Variants in PLXNC1 observed in about 807,000 individuals in gnomAD.
PLXNC1 encodes plexin C1, also known as plexin-C1.
In PLXNC1, 75 loss-of-function variants were observed where a neutral mutation model predicts 178.2. The ratio of observed to expected loss-of-function variants is 0.42; its 90% CI spans 0.35 to 0.51. PLXNC1 has a LOEUF of 0.51. Ranked by LOEUF, PLXNC1 falls within the 20% of genes least tolerant of loss-of-function variation. The pLI is 0.02. For synonymous variants in PLXNC1, 790 were observed against 779.9 expected (o/e 1.01, Z -0.22); for missense variants, 1,503 against 1,984.4 (o/e 0.76, Z 4.61).
At chr12:94,188,307 A>G (rs969280292) in intron 4 of PLXNC1, among the ~76,000 whole-genome samples, 1 of 144,122 alleles carries the variant, frequency 6.9e-6, no homozygotes. Flanking sequence ...AGTCCAAAGA[A>G]TTTTGTCTTT....
At chr12:94,255,372 G>A (rs1387417426) in intron 17 of PLXNC1, 76 bp downstream of exon 17, 7 of 1,016,404 alleles carry the variant, frequency 6.9e-6, no homozygotes, top group Admixed American at 5.2e-5. Context: ...TTGTCAAAAC[G>A]AGTGTTTGCT....
intron 5 of PLXNC1, among the ~76,000 whole-genome samples, chr12:94,219,115 C>T (rs1963721771): frequency 6.6e-6 from 1 of 152,038 alleles, no homozygotes; most frequent in Non-Finnish European, 1.5e-5. Flanking sequence ...GAATAATGCT[C>T]AGGAAATGGT....
chr12:94,175,348 T>G (rs1962012048), intron 2 of PLXNC1, among the ~76,000 whole-genome samples: 1 of 152,244 alleles, frequency 6.6e-6, no homozygotes, highest in African/African-American at 2.4e-5. Flanking sequence ...TTATAGCTTT[T>G]TGAACACCCG....
chr12:94,167,655 T>C lies in PLXNC1; in HGVS notation c.1063-1498T>C, dbSNP rs573496113. Among the ~76,000 whole-genome samples the C allele has an allele frequency of 2.6e-5, 4 of 152,326 alleles. No homozygotes were observed. In the East Asian group the frequency reaches 7.7e-4, roughly 29 times the overall value. On this transcript the variant is annotated intron_variant, in intron 1 of 30. Transcript: ENST00000258526. The stretch of plus-strand genomic sequence containing the variant: ...AAACAGTGATCTATTGTTCCAACCT[T>C]AGACCCACAGAGAATTTTTTTCCTT...
intron 1 of PLXNC1, 81 bp from the exon 2 acceptor site, chr12:94,169,072 A>T: frequency 7.8e-7 from 1 of 1,273,900 alleles, no homozygotes; most frequent in Non-Finnish European, 1.1e-6. Context: ...GGAGGGCATG[A>T]GTGACATTTC....
chr12:94,150,744 G>A (rs79611018), intron 1 of PLXNC1: 6,365 of 152,486 alleles, frequency 0.042, 201 homozygotes, highest in African/African-American at 0.091. Flanking sequence ...TGGCCTTGTG[G>A]TAAAAGCCTC....
intron 4 of PLXNC1, among the ~76,000 whole-genome samples, chr12:94,208,803 G>A (rs1013626722): frequency 2.0e-5 from 3 of 152,200 alleles, no homozygotes; most frequent in African/African-American, 4.8e-5. Flanking sequence ...TGAGGCAAGG[G>A]TTCCCAAGTT....
intron 10 of PLXNC1, among the ~76,000 whole-genome samples, chr12:94,238,163 A>T (rs1441590112): frequency 6.6e-6 from 1 of 152,172 alleles, no homozygotes; most frequent in Non-Finnish European, 1.5e-5. Flanking sequence ...GAGTACCTTG[A>T]AATTTGATGA....
intron 15 of PLXNC1, among the ~76,000 whole-genome samples, chr12:94,253,932 G>T (rs1212561207): frequency 6.6e-6 from 1 of 151,834 alleles, no homozygotes; most frequent in Admixed American, 6.6e-5. Context: ...TCCCACCTCA[G>T]CCTCTCAAAG....
chr12:94,159,683 C>T (rs1168598730), intron 1 of PLXNC1, among the ~76,000 whole-genome samples: 4 of 152,164 alleles, frequency 2.6e-5, no homozygotes, highest in Non-Finnish European at 5.9e-5. Flanking sequence ...TCTCCGAGCA[C>T]AGGAGAGCCT....
chr12:94,264,988 T>G, intron 20 of PLXNC1, 91 bp from the exon 21 acceptor site: 2 of 1,287,690 alleles, frequency 1.6e-6, no homozygotes, highest in South Asian at 2.7e-5. Flanking sequence ...CCCTGTCTCC[T>G]GCCTTACTGC....
At chr12:94,243,414 T>G (rs1964444785) in intron 11 of PLXNC1, among the ~76,000 whole-genome samples, 1 of 152,244 alleles carries the variant, frequency 6.6e-6, no homozygotes, top group South Asian at 2.1e-4. Context: ...ATGCAGCTGT[T>G]ATTTATACGG....
intron 21 of PLXNC1, among the ~76,000 whole-genome samples, chr12:94,278,493 G>C (rs1240553816): frequency 1.3e-5 from 2 of 152,208 alleles, no homozygotes; most frequent in Non-Finnish European, 2.9e-5. Context: ...TCCCCCATTA[G>C]TCTGATTCTG....
intron 4 of PLXNC1, among the ~76,000 whole-genome samples, chr12:94,189,558 T>C (rs1962644854): frequency 6.6e-6 from 1 of 152,156 alleles, no homozygotes; most frequent in Admixed American, 6.5e-5. Context: ...TATGTGCTTC[T>C]GGTCCCAGCT....
intron 3 of PLXNC1, among the ~76,000 whole-genome samples, chr12:94,182,731 G>T (rs1164230532): frequency 7.7e-6 from 1 of 130,140 alleles, no homozygotes; most frequent in Non-Finnish European, 1.7e-5. Flanking sequence ...TCTCAAAAAA[G>T]AAAAAAAAAA....
rs542251632 is a variant in PLXNC1 at position 94,300,821 on chromosome 12, C to T, written c.4239-89C>T. On this transcript the variant is annotated intron_variant, in intron 27 of 30. Coordinates refer to ENST00000258526, the MANE Select transcript of PLXNC1 (RefSeq NM_005761.3). ...GAGTTGTATACTTCAATAACAAGGACAAAAACACCCGTTTACAAACTGTGA... is the reference window on the plus strand; with the variant it reads ...GAGTTGTATACTTCAATAACAAGGATAAAAACACCCGTTTACAAACTGTGA... 2.3e-6 allele frequency: 3 copies of T among 1,286,540 alleles called. No individual in the cohort carries two copies. The South Asian group carries it at 4.6e-5, about 20-fold the overall frequency. The allele number at this position is 1,286,540 out of a possible 1,614,324, so 79.7% of individuals were successfully genotyped here.
intron 4 of PLXNC1, among the ~76,000 whole-genome samples, chr12:94,205,172 G>A (rs1348421771): frequency 6.6e-6 from 1 of 152,066 alleles, no homozygotes; most frequent in Non-Finnish European, 1.5e-5. Context: ...CACCTGCTTG[G>A]AAACTTCAGC....
chr12:94,239,133 T>C (rs756219647), intron 10 of PLXNC1, among the ~76,000 whole-genome samples: 4 of 152,214 alleles, frequency 2.6e-5, no homozygotes, highest in Non-Finnish European at 4.4e-5. Context: ...TTAAATTAAA[T>C]GACTAGGAGA....
chr12:94,206,431 T>C (rs1963301085), intron 4 of PLXNC1, among the ~76,000 whole-genome samples: 2 of 152,146 alleles, frequency 1.3e-5, no homozygotes, highest in South Asian at 2.1e-4. Context: ...GAATTGTTTC[T>C]ACATACAGTG....
Sources: allele counts gnomAD v4.1 joint callset (sites outside exome capture counted in the v4.1 genomes callset), GRCh38; gene constraint gnomAD v4.1.1; transcripts MANE v1.5; gene names NCBI Gene and HGNC (gene_info 2026-07-23, HGNC 2026-07-21).